Variants in MBD3 observed in about 807,000 individuals in gnomAD.
MBD3 encodes methyl-CpG binding domain protein 3.
In MBD3, 13 loss-of-function variants were observed where a neutral mutation model predicts 31.2. That is an observed-to-expected ratio of 0.42 (90% CI 0.27 to 0.66). The LOEUF (loss-of-function observed/expected upper bound fraction) is 0.66, where lower values mean the gene tolerates loss of function less well. Among genes scored for constraint, MBD3 ranks in the 30% least tolerant of loss-of-function variants. The pLI, the probability that MBD3 is intolerant of heterozygous loss-of-function variation, is 0.26. For synonymous variants in MBD3, 223 were observed against 187.4 expected, an observed-to-expected ratio of 1.19 and a Z score of -1.55; for missense variants, 440 against 426.5, an observed-to-expected ratio of 1.03 and a Z score of -0.28.
intron 1 of MBD3, among the ~76,000 whole-genome samples, chr19:1,591,402 C>A (rs1382978689): frequency 1.3e-5 from 2 of 152,234 alleles, no homozygotes; most frequent in African/African-American, 2.4e-5. Context: ...TCTCCCCAAA[C>A]CGGGACAGTC....
chr19:1,584,788 C>T, intron 2 of MBD3, 111 bp from the exon 3 acceptor site: 1 of 1,180,770 alleles, frequency 8.5e-7, no homozygotes, highest in Non-Finnish European at 1.1e-6. Context: ...CTCGTGTCCC[C>T]CGCGCCCGCC....
At position 1,592,554 on chromosome 19, in the gene MBD3, C is replaced by T. The variant is rs1240271887; in HGVS notation, c.78G>A (p.Leu26=). 4 of 1,441,440 alleles carry T rather than the reference C, an allele frequency of 2.8e-6. No individual in the cohort carries two copies. Among genetic ancestry groups the T allele is most frequent in the Non-Finnish European group, 3.7e-6 (4 of 1,074,904 alleles). The allele number at this position is 1,441,440 out of a possible 1,614,324, so 89.3% of individuals were successfully genotyped here. A position where few individuals can be genotyped will look rare whatever the true frequency, so the allele number is the denominator to read the frequency against. Residue 26 remains leucine, a synonymous_variant, in exon 1 of 7, where the codon CTG becomes CTA. Coordinates refer to ENST00000434436, the MANE Select transcript of MBD3 (RefSeq NM_001281453.2). Reference sequence around the variant, plus strand: ...AAAAGACATCCCTGTGGCCGGCCGACAGCCCCGACCTTCTGGGCACTTCTT... The same window carrying T: ...AAAAGACATCCCTGTGGCCGGCCGATAGCCCCGACCTTCTGGGCACTTCTT... The part of the protein sequence containing the change: ...EREEVPRRSG[L]SAGHRDVFYY...
intron 3 of MBD3, among the ~76,000 whole-genome samples, 188 bp downstream of exon 3, chr19:1,584,352 G>A (rs1200265434): frequency 6.6e-6 from 1 of 152,182 alleles, no homozygotes; most frequent in African/African-American, 2.4e-5. Context: ...CAGAAGCTGG[G>A]ACCACAGGCG....
At chr19:1,581,738 C>T in intron 4 of MBD3, 1 of 248,580 alleles carries the variant, frequency 4.0e-6, no homozygotes, top group Non-Finnish European at 7.9e-6. Context: ...GAGAGGCTGC[C>T]TTTTGTTTTT....
Position 1,585,579 on chromosome 19 carries a change from C to T in MBD3, c.111-365G>A. On this transcript the variant is annotated intron_variant, in intron 1 of 6. Transcript: ENST00000434436. This position sits in a 1 kb window ranked among gnomAD's most constrained non-coding sequence, Gnocchi z 4.1. ...CCCTCTGAATCCTCCCCACCGTAGGCCCTGGCAGCGTCAGGCACAGCAGAC... is the reference window on the plus strand; with the variant it reads ...CCCTCTGAATCCTCCCCACCGTAGGTCCTGGCAGCGTCAGGCACAGCAGAC... 3.2e-6 allele frequency: 1 copy of T among 309,572 alleles called. No individual in the cohort carries two copies. Among genetic ancestry groups the T allele is most frequent in the Non-Finnish European group, 6.2e-6 (1 of 161,148 alleles). The allele number at this position is 309,572 out of a possible 1,614,324, so 19.2% of individuals were successfully genotyped here.
intron 2 of MBD3, 108 bp downstream of exon 2, chr19:1,584,947 C>T (rs2060671342): frequency 1.4e-6 from 2 of 1,467,012 alleles, no homozygotes; most frequent in Non-Finnish European, 1.9e-6. Context: ...CCCGCTGTGA[C>T]CTCCTGCGCT....
intron 1 of MBD3, among the ~76,000 whole-genome samples, chr19:1,589,344 CAAAA>C (rs35111393): frequency 1.5e-4 from 10 of 65,636 alleles, no homozygotes; most frequent in African/African-American, 2.8e-4. Flanking sequence ...AACTCGGTCT[CAAAA>C]AAAAAAAAAA....
At chr19:1,583,305 T>C (rs903311646) in intron 3 of MBD3, 9 of 147,054 alleles carry the variant, frequency 6.1e-5, no homozygotes, top group African/African-American at 1.3e-4. Flanking sequence ...TTGAACCCAG[T>C]TGAAACCAGG....
intron 1 of MBD3, among the ~76,000 whole-genome samples, chr19:1,590,127 T>C (rs181982646): frequency 1.4e-5 from 2 of 146,686 alleles, no homozygotes; most frequent in African/African-American, 5.1e-5. Flanking sequence ...GCGAAACCCC[T>C]TCTCTACTAA....
Position 1,578,505 on chromosome 19 carries a change from C to T in MBD3, c.711G>A (p.Lys237=). 1 of 1,612,314 alleles carries T rather than the reference C, an allele frequency of 6.2e-7. No individual in the cohort carries two copies. Among genetic ancestry groups the T allele is most frequent in the Non-Finnish European group, 8.5e-7 (1 of 1,179,926 alleles). Reference sequence around the variant, plus strand: ...CGGCCATCAGCGCCTCCTCCAGCCGCTTCCGCACCTGCTGCACCAGCTCTT... The same window carrying T: ...CGGCCATCAGCGCCTCCTCCAGCCGTTTCCGCACCTGCTGCACCAGCTCTT... ...KQEELVQQVR[K]RLEEALMADM... is the part of the protein sequence containing the mutation. Residue 237 remains lysine, a synonymous_variant, in exon 6 of 7, where the codon AAG becomes AAA. Transcript: ENST00000434436. This position sits in a 1 kb window ranked among gnomAD's most constrained non-coding sequence, Gnocchi z 6.1.
chr19:1,582,341 C>T lies in MBD3; in HGVS notation c.499+281G>A, dbSNP rs148517214. The stretch of plus-strand genomic sequence containing the variant: ...TTAGGATCTCCATGGCAAAACTGCA[C>T]GTCCTGCAGGTGAAAACAGCCCCAG... On this transcript the variant is annotated intron_variant, in intron 4 of 6. Coordinates refer to ENST00000434436, the MANE Select transcript of MBD3 (RefSeq NM_001281453.2). Among the ~76,000 whole-genome samples the T allele has an allele frequency of 3.6e-3, 550 of 152,270 alleles. 6 individuals are homozygous for T. The highest frequency in any genetic ancestry group is 0.013 in the African/African-American group (531 of 41,550).
At chr19:1,589,908 A>ACAAGTGGGGAGTGACTGCTAATGAGGC (rs1341226278) in intron 1 of MBD3, among the ~76,000 whole-genome samples, 1 of 152,196 alleles carries the variant, frequency 6.6e-6, no homozygotes, top group Admixed American at 6.5e-5. Flanking sequence ...TGGGGGAGTA[A>ACAAGTGGGGAGTGACTGCTAATGAGGC]CAAGTGGGGA....
intron 1 of MBD3, chr19:1,591,926 C>T (rs1223836839): frequency 6.6e-6 from 1 of 152,158 alleles, no homozygotes; most frequent in Non-Finnish European, 1.5e-5. Context: ...CAGGTCTCCA[C>T]CCTGAGGGGG....
Position 1,578,481 on chromosome 19 carries a change from G to C in MBD3, c.735C>G (p.Ala245=). The C allele has an allele frequency of 6.2e-7, 1 of 1,610,978 alleles. No individual in the cohort carries two copies. Among genetic ancestry groups the C allele is most frequent in the Non-Finnish European group, 8.5e-7 (1 of 1,179,896 alleles). ...GCTCCTCCACGTGCGCCAGCATGTC[G>C]GCCATCAGCGCCTCCTCCAGCCGCT... ...VRKRLEEALM[A]DMLAHVEELA... Residue 245 remains alanine (A), a synonymous_variant, in exon 6 of 7, where the codon GCC becomes GCG. Transcript: ENST00000434436. This position sits in a 1 kb window ranked among gnomAD's most constrained non-coding sequence, Gnocchi z 6.1.
Position 1,577,904 on chromosome 19 carries a change from C to T in MBD3, c.*260G>A, listed in dbSNP as rs1000529977. The T allele has an allele frequency of 3.3e-5, 8 of 240,154 alleles. No homozygotes were observed. The Admixed American group carries it at 3.6e-4, about 11-fold the overall frequency. The allele number at this position is 240,154 out of a possible 1,614,324, so 14.9% of individuals were successfully genotyped here. On this transcript the variant is annotated 3_prime_UTR_variant, in exon 7 of 7. Transcript: ENST00000434436. The stretch of plus-strand genomic sequence containing the variant: ...AAAGGTCGTAGGGAGCCAGGCAGGG[C>T]CCAGGAGCACCCGGCACTTCCCGAA...
chr19:1,580,837 C>A (rs1204280210), intron 5 of MBD3, among the ~76,000 whole-genome samples: 2 of 152,226 alleles, frequency 1.3e-5, no homozygotes, highest in African/African-American at 4.8e-5. Context: ...CATAGCCAGT[C>A]CTCACGGACT....
At chr19:1,580,595 G>T (rs891414539) in intron 5 of MBD3, among the ~76,000 whole-genome samples, 5 of 152,254 alleles carry the variant, frequency 3.3e-5, no homozygotes, top group Non-Finnish European at 5.9e-5. Flanking sequence ...CTGCACACTG[G>T]AAGTGGGTTC....
rs1464652531 is a variant in MBD3, at chr19:1,576,932, T to C, written c.*1232A>G. On this transcript the variant is annotated 3_prime_UTR_variant, in exon 7 of 7. Transcript: ENST00000434436. ...CAGCCCACTGCCTCCATGCGGGTCCTTGGAGGGCAGACGGTGGAGCGGCGC... is the reference window on the plus strand; with the variant it reads ...CAGCCCACTGCCTCCATGCGGGTCCCTGGAGGGCAGACGGTGGAGCGGCGC... 1.3e-5 allele frequency: 2 copies of C among 152,336 alleles called. No homozygotes were observed. Among genetic ancestry groups the C allele is most frequent in the Admixed American group, 6.5e-5 (1 of 15,288 alleles). The allele number at this position is 152,336 out of a possible 1,614,324, so 9.4% of individuals were successfully genotyped here.
chr19:1,578,444 C>A lies in MBD3; in HGVS notation c.772G>T (p.Gly258Trp), dbSNP rs751714712. 6.2e-7 allele frequency: 1 copy of A among 1,607,106 alleles called. No homozygotes were observed. The highest frequency in any genetic ancestry group is 8.5e-7 in the Non-Finnish European group (1 of 1,179,838). Residue 258 changes from glycine (G) to tryptophan (W), a missense_variant, in exon 6 of 7, where the codon GGG (glycine) becomes TGG (tryptophan). Transcript: ENST00000434436. This position sits in a 1 kb window ranked among gnomAD's most constrained non-coding sequence, Gnocchi z 6.1. ...LAHVEELARD[G>W]EAPLDKACAE... ...CAGGCCTTGTCCAGCGGCGCCTCCC[C>A]GTCACGGGCCAGCTCCTCCACGTGC...
Sources: gnomAD v4.1 joint callset for allele counts (sites outside exome capture counted in the v4.1 genomes callset) on GRCh38, gnomAD v4.1.1 for gene constraint, Gnocchi (gnomAD v3.1) non-coding constraint, MANE v1.5 for transcripts, NCBI Gene and HGNC (gene_info 2026-07-23, HGNC 2026-07-21) for gene names.